The following RTKN2 variants were observed in gnomAD, a reference collection of about 807,000 sequenced individuals.
RTKN2 encodes rhotekin 2.
RTKN2 carries 69 observed loss-of-function variants against 71.5 expected under a neutral mutation model. The ratio of observed to expected loss-of-function variants is 0.96; its 90% CI spans 0.79 to 1.18. RTKN2 has a LOEUF of 1.18. RTKN2 is among the 50% of genes most tolerant of loss of function. The pLI is 0.00. For synonymous variants in RTKN2, 236 were observed against 236.5 expected, an observed-to-expected ratio of 1.00 and a Z score of 0.02; for missense variants, 724 against 719.7, an observed-to-expected ratio of 1.01 and a Z score of -0.07.
chr10:62,230,003 T>C (rs1013708473), intron 6 of RTKN2, among the ~76,000 whole-genome samples: 5 of 152,092 alleles, frequency 3.3e-5, no homozygotes, highest in African/African-American at 4.8e-5. Flanking sequence ...CTGAAGAAAG[T>C]TGAATGTGCA....
intron 6 of RTKN2, among the ~76,000 whole-genome samples, chr10:62,228,889 C>A (rs1169916435): frequency 6.6e-6 from 1 of 152,162 alleles, no homozygotes; most frequent in Non-Finnish European, 1.5e-5. Context: ...AAGTTATCAG[C>A]TATGAATGAG....
At chr10:62,189,221 T>C (rs910333984), downstream of RTKN2, among the ~76,000 whole-genome samples, 2 of 152,158 alleles carry the variant, frequency 1.3e-5, no homozygotes, top group African/African-American at 4.8e-5. Context: ...GCAGCATCCC[T>C]GCTCTCTTCC....
At chr10:62,235,972 C>T (rs1446784358) in intron 6 of RTKN2, 94 bp downstream of exon 6, 1 of 918,348 alleles carries the variant, frequency 1.1e-6, no homozygotes, top group Non-Finnish European at 1.6e-6. Context: ...TGATGTTTTT[C>T]CATTTATAAA....
Position 62,197,923 on chromosome 10 carries a change from C to CA in RTKN2, c.1814dup (p.Gln606AlafsTer9). ...TAAGAGTTTTCTATACTTGTGCCTGCAGCCATGATCTAGGGTCCAGAATGT... is the reference window on the plus strand; with the variant it reads ...TAAGAGTTTTCTATACTTGTGCCTGCAAGCCATGATCTAGGGTCCAGAATGT... On this transcript the variant is annotated frameshift_variant, in exon 12 of 12. Coordinates refer to ENST00000373789, the MANE Select transcript of RTKN2 (RefSeq NM_145307.4). LOFTEE classifies it high-confidence loss of function. The CA allele has an allele frequency of 6.2e-7, 1 of 1,611,272 alleles. No individual in the cohort carries two copies. Among genetic ancestry groups the CA allele is most frequent in the Non-Finnish European group, 8.5e-7 (1 of 1,178,748 alleles).
chr10:62,189,563 C>T (rs755338655), downstream of RTKN2, among the ~76,000 whole-genome samples: 4 of 152,152 alleles, frequency 2.6e-5, no homozygotes, highest in Non-Finnish European at 4.4e-5. Context: ...CAGTGGCAAA[C>T]GTCTGTAATC....
At chr10:62,214,959 A>T in intron 9 of RTKN2, 1 of 685,494 alleles carries the variant, frequency 1.5e-6, no homozygotes, top group Non-Finnish European at 2.4e-6. Flanking sequence ...CTGATCTCTG[A>T]GACTATTTCT....
Position 62,262,889 on chromosome 10 carries a change from G to A in RTKN2, c.61-68C>T, listed in dbSNP as rs963976552. The A allele has an allele frequency of 5.9e-5, 54 of 914,868 alleles. No homozygotes were observed. In the African/African-American group the frequency reaches 6.7e-4, roughly 11 times the overall value. The allele number at this position is 914,868 out of a possible 1,614,324, so 56.7% of individuals were successfully genotyped here. Reference sequence around the variant, plus strand: ...ATTACATCTTAACCCATAATAGATCGAAAATAGGTATCATAATTGTATACC... The same window carrying A: ...ATTACATCTTAACCCATAATAGATCAAAAATAGGTATCATAATTGTATACC... On this transcript the variant is annotated intron_variant, in intron 1 of 11. Coordinates refer to ENST00000373789, the MANE Select transcript of RTKN2 (RefSeq NM_145307.4).
chr10:62,241,116 C>T, intron 4 of RTKN2, 26 bp downstream of exon 4: 1 of 1,338,208 alleles, frequency 7.5e-7, no homozygotes, highest in African/African-American at 1.5e-5. Flanking sequence ...GAAAACATTT[C>T]AATTACAAAT....
intron 9 of RTKN2, among the ~76,000 whole-genome samples, chr10:62,209,063 A>G (rs1206180165): frequency 6.6e-6 from 1 of 152,186 alleles, no homozygotes; most frequent in Admixed American, 6.5e-5. Context: ...TGAGGTCGGG[A>G]GTTCGAGACC....
chr10:62,198,325 G>A lies in RTKN2; in HGVS notation c.1413C>T (p.Ala471=). The part of the protein sequence containing the change: ...QHEESLPPPW[A]TLFDGNHQMV... ...TTTGATGGTTACCATCAAAGAGTGT[G>A]GCCCAAGGAGGTGGTAAGGATTCTT... The change falls in exon 12 of 12, where the codon GCC becomes GCT. Residue 471 remains alanine, a synonymous_variant. Coordinates refer to ENST00000373789, the MANE Select transcript of RTKN2 (RefSeq NM_145307.4). 5 of 1,613,796 alleles carry A rather than the reference G, an allele frequency of 3.1e-6. No individual in the cohort carries two copies. Among genetic ancestry groups the A allele is most frequent in the Non-Finnish European group, 4.2e-6 (5 of 1,179,816 alleles).
chr10:62,228,355 T>C (rs1478526260), intron 6 of RTKN2, among the ~76,000 whole-genome samples: 1 of 152,148 alleles, frequency 6.6e-6, no homozygotes, highest in Admixed American at 6.6e-5. Context: ...TCAATTGTGT[T>C]AATACCAAAA....
intron 5 of RTKN2, among the ~76,000 whole-genome samples, chr10:62,237,749 G>A (rs566387850): frequency 6.6e-6 from 1 of 151,306 alleles, no homozygotes; most frequent in African/African-American, 2.4e-5. Context: ...TTACTATCTG[G>A]TTATACAGGG....
chr10:62,205,501 AG>A (rs1248448724), intron 9 of RTKN2, among the ~76,000 whole-genome samples: 4 of 152,194 alleles, frequency 2.6e-5, no homozygotes, highest in Admixed American at 6.5e-5. Context: ...TATCAGTTAA[AG>A]CAGTAAAACC....
rs777862121 is a variant in RTKN2, at chr10:62,197,939, T to A, written c.1799A>T (p.Asp600Val). The A allele has an allele frequency of 1.2e-6, 2 of 1,613,768 alleles. No homozygotes were observed. Among genetic ancestry groups the A allele is most frequent in the Non-Finnish European group, 1.7e-6 (2 of 1,179,872 alleles). Residue 600 changes from aspartate (D) to valine (V), a missense_variant, in exon 12 of 12, where the codon GAC (aspartate) becomes GTC (valine). Transcript: ENST00000373789. ...PRQKSIKDIL[D>V]PRSWLQAQV ...TTGTGCCTGCAGCCATGATCTAGGG[T>A]CCAGAATGTCTTTGATGGATTTCTG...
Position 62,262,823 on chromosome 10 carries a change from T to C in RTKN2, c.61-2A>G, listed in dbSNP as rs149410563. The C allele has an allele frequency of 7.2e-7, 1 of 1,386,524 alleles. No individual in the cohort carries two copies. The highest frequency in any genetic ancestry group is 9.8e-7 in the Non-Finnish European group (1 of 1,023,068). 85.9% of individuals were successfully genotyped at this position (1,386,524 alleles called of 1,614,324 possible). A position where few individuals can be genotyped will look rare whatever the true frequency, so the allele number is the denominator to read the frequency against. On this transcript the variant is annotated splice_acceptor_variant, in intron 1 of 11. Coordinates refer to ENST00000373789, the MANE Select transcript of RTKN2 (RefSeq NM_145307.4). LOFTEE classifies it high-confidence loss of function. ...TATTTTTTCTTGAATGTTGCAGTCC[T>C]AAAAAAAAAATGCATCTTGAAAATA... is the stretch of plus-strand genomic sequence containing the variant.
chr10:62,219,343 G>A (rs142069322), intron 7 of RTKN2, among the ~76,000 whole-genome samples: 24 of 152,244 alleles, frequency 1.6e-4, no homozygotes, highest in Admixed American at 4.6e-4. Flanking sequence ...GCCTGACATC[G>A]AACATTAGAG....
chr10:62,220,302 A>G (rs1222692111), intron 7 of RTKN2, among the ~76,000 whole-genome samples: 1 of 152,202 alleles, frequency 6.6e-6, no homozygotes, highest in African/African-American at 2.4e-5. Context: ...TTAATCTGGG[A>G]AAAATAAATG....
At chr10:62,229,729 G>A (rs1164159110) in intron 6 of RTKN2, among the ~76,000 whole-genome samples, 1 of 152,100 alleles carries the variant, frequency 6.6e-6, no homozygotes, top group South Asian at 2.1e-4. Flanking sequence ...CAATTTGTGT[G>A]GCAGAATTGA....
At chr10:62,242,096 C>T (rs1338484448) in intron 3 of RTKN2, among the ~76,000 whole-genome samples, 1 of 151,402 alleles carries the variant, frequency 6.6e-6, no homozygotes, top group African/African-American at 2.4e-5. Flanking sequence ...AATCTGCCCT[C>T]CTTGGCCTCC....
Sources: allele counts gnomAD v4.1 joint callset (sites outside exome capture counted in the v4.1 genomes callset), GRCh38; gene constraint gnomAD v4.1.1; transcripts MANE v1.5; gene names NCBI Gene and HGNC (gene_info 2026-07-23, HGNC 2026-07-21).